IMMP2L: variants seen among roughly 807,000 people sequenced by gnomAD.
IMMP2L encodes the protein mitochondrial inner membrane protease subunit 2.
IMMP2L carries 18 observed loss-of-function variants against 19.3 expected under a neutral mutation model. That is an observed-to-expected ratio of 0.93 (90% CI 0.64 to 1.38). The LOEUF is 1.38. IMMP2L is among the 40% of genes most tolerant of loss of function. The pLI, the probability that IMMP2L is intolerant of heterozygous loss-of-function variation, is 0.00. For missense variants in IMMP2L, 233 were observed against 218.2 expected, an observed-to-expected ratio of 1.07 and a Z score of -0.43; for synonymous variants, 76 against 73.0, an observed-to-expected ratio of 1.04 and a Z score of -0.21.
chr7:111,555,306 A>G (rs1356675860), intron 1 of IMMP2L, among the ~76,000 whole-genome samples: 3 of 152,144 alleles, frequency 2.0e-5, no homozygotes, highest in African/African-American at 7.2e-5. Flanking sequence ...AAAGGGCCAG[A>G]CGTAGTGAGA....
chr7:111,170,956 T>C (rs567072734), intron 3 of IMMP2L, among the ~76,000 whole-genome samples: 1 of 151,930 alleles, frequency 6.6e-6, no homozygotes, highest in African/African-American at 2.4e-5. Flanking sequence ...GTGATCATAG[T>C]ATATAAGAAC....
chr7:111,311,116 T>C (rs1584563818), intron 3 of IMMP2L, among the ~76,000 whole-genome samples: 1 of 152,140 alleles, frequency 6.6e-6, no homozygotes, highest in Non-Finnish European at 1.5e-5. Context: ...TCTACCACAA[T>C]ATCCTTCATT....
rs1264535955 is a variant in IMMP2L at position 111,550,465 on chromosome 7, T to A, written c.-3+11386A>T. Among the ~76,000 whole-genome samples the A allele has an allele frequency of 2.0e-5, 3 of 152,258 alleles. No homozygotes were observed. In the East Asian group the frequency reaches 5.8e-4, roughly 29 times the overall value. On this transcript the variant is annotated intron_variant, in intron 1 of 5. Coordinates refer to ENST00000405709, the MANE Select transcript of IMMP2L (RefSeq NM_032549.4). ...CAATGAACTTTGGGGGATAATGATG[T>A]GTCCATGTAGTTTCATCAATTGTAG... is the stretch of plus-strand genomic sequence containing the variant.
intron 5 of IMMP2L, among the ~76,000 whole-genome samples, chr7:110,882,570 A>G (rs1809796027): frequency 6.6e-6 from 1 of 151,886 alleles, no homozygotes; most frequent in African/African-American, 2.4e-5. Flanking sequence ...TAGTAGAGAC[A>G]GGATTTCACC....
At chr7:111,552,723 A>G (rs189074892) in intron 1 of IMMP2L, among the ~76,000 whole-genome samples, 31 of 152,284 alleles carry the variant, frequency 2.0e-4, no homozygotes, top group African/African-American at 7.2e-4. Flanking sequence ...ACAGTCCACA[A>G]TGATCCTTGC....
chr7:110,682,806 A>G (rs550498777), intron 5 of IMMP2L, among the ~76,000 whole-genome samples: 1 of 152,154 alleles, frequency 6.6e-6, no homozygotes, highest in South Asian at 2.1e-4. Context: ...AGTTGCACCC[A>G]TGGGAACACA....
intron 5 of IMMP2L, among the ~76,000 whole-genome samples, chr7:110,664,315 T>A (rs1308292610): frequency 6.6e-6 from 1 of 151,836 alleles, no homozygotes; most frequent in Non-Finnish European, 1.5e-5. Context: ...CTGGGTGGGC[T>A]GTCTCCATGG....
intron 3 of IMMP2L, among the ~76,000 whole-genome samples, chr7:111,280,860 G>A (rs900966681): frequency 6.6e-6 from 1 of 152,090 alleles, no homozygotes; most frequent in East Asian, 1.9e-4. Flanking sequence ...ACGAGGTCAG[G>A]AGATCGAGAC....
At chr7:110,676,477 C>G (rs576777561) in intron 5 of IMMP2L, among the ~76,000 whole-genome samples, 1 of 152,356 alleles carries the variant, frequency 6.6e-6, no homozygotes, top group East Asian at 1.9e-4. Flanking sequence ...GAGGTTCTAG[C>G]TCACCTTTTC....
intron 5 of IMMP2L, among the ~76,000 whole-genome samples, chr7:110,874,326 A>G (rs1331815150): frequency 6.6e-6 from 1 of 152,096 alleles, no homozygotes; most frequent in East Asian, 1.9e-4. Flanking sequence ...ACACAAGTAT[A>G]TCCTACTTAA....
intron 3 of IMMP2L, among the ~76,000 whole-genome samples, chr7:111,259,323 A>G (rs1817058604): frequency 6.6e-6 from 1 of 152,064 alleles, no homozygotes; most frequent in Admixed American, 6.6e-5. Flanking sequence ...CACAAAATTT[A>G]TTTTAAATTT....
At chr7:111,329,461 C>T (rs748763621) in intron 3 of IMMP2L, among the ~76,000 whole-genome samples, 3 of 151,738 alleles carry the variant, frequency 2.0e-5, no homozygotes, top group African/African-American at 2.4e-5. Flanking sequence ...ACTACACAAA[C>T]GAGAGCAGAG....
At chr7:111,064,518 T>G (rs1198645182) in intron 3 of IMMP2L, among the ~76,000 whole-genome samples, 1 of 152,160 alleles carries the variant, frequency 6.6e-6, no homozygotes, top group Non-Finnish European at 1.5e-5. Context: ...TATCTAGGAT[T>G]CATGGGTCCA....
At chr7:111,498,711 C>A (rs931952370) in intron 2 of IMMP2L, among the ~76,000 whole-genome samples, 1 of 152,086 alleles carries the variant, frequency 6.6e-6, no homozygotes, top group African/African-American at 2.4e-5. Context: ...GTGAACAAAT[C>A]TGTGAAGATA....
chr7:110,754,523 A>T (rs930097480), intron 5 of IMMP2L, among the ~76,000 whole-genome samples: 1 of 151,928 alleles, frequency 6.6e-6, no homozygotes, highest in African/African-American at 2.4e-5. Flanking sequence ...CTGCTTTTCT[A>T]TGGGTACAGA....
At chr7:111,078,886 C>T (rs972540813) in intron 3 of IMMP2L, among the ~76,000 whole-genome samples, 1 of 152,048 alleles carries the variant, frequency 6.6e-6, no homozygotes, top group Non-Finnish European at 1.5e-5. Context: ...TGCGCCACCA[C>T]ACATGGCTAA....
chr7:110,811,966 G>C (rs1802070521), intron 5 of IMMP2L, among the ~76,000 whole-genome samples: 1 of 152,016 alleles, frequency 6.6e-6, no homozygotes, highest in Non-Finnish European at 1.5e-5. Flanking sequence ...TTAGAACTTT[G>C]CTGCTACTTC....
intron 3 of IMMP2L, among the ~76,000 whole-genome samples, chr7:110,995,346 G>A (rs1320773226): frequency 1.3e-5 from 2 of 152,080 alleles, no homozygotes; most frequent in Admixed American, 1.3e-4. Flanking sequence ...TAATACCTGT[G>A]CCCCACTAAA....
chr7:111,401,875 T>C (rs938573143), intron 3 of IMMP2L, among the ~76,000 whole-genome samples: 11 of 152,080 alleles, frequency 7.2e-5, no homozygotes, highest in African/African-American at 2.2e-4. Flanking sequence ...CAGTGGTAAA[T>C]GCAAGACTGG....
Sources: gnomAD v4.1 joint callset for allele counts (sites outside exome capture counted in the v4.1 genomes callset) on GRCh38, gnomAD v4.1.1 for gene constraint, MANE v1.5 for transcripts, NCBI Gene and HGNC (gene_info 2026-07-23, HGNC 2026-07-21) for gene names.